SCEL: variants seen among roughly 807,000 people sequenced by gnomAD.
SCEL encodes sciellin.
SCEL carries 113 observed loss-of-function variants against 117.6 expected under a neutral mutation model. The ratio of observed to expected loss-of-function variants is 0.96; its 90% confidence interval spans 0.83 to 1.12. The LOEUF (loss-of-function observed/expected upper bound fraction) is 1.12. Ranked by LOEUF, SCEL falls within the 50% of genes most tolerant of loss-of-function variation. SCEL has a pLI of 0.00. For synonymous variants in SCEL, 270 were observed against 256.2 expected (o/e 1.05, Z -0.51); for missense variants, 785 against 810.8 (o/e 0.97, Z 0.39).
intron 27 of SCEL, among the ~76,000 whole-genome samples, chr13:77,622,628 G>A (rs1452943772): frequency 6.6e-6 from 1 of 152,176 alleles, no homozygotes; most frequent in African/African-American, 2.4e-5. Context: ...TTGGGAGGCT[G>A]AGGTGAGAGG....
In SCEL at chr13:77,589,262, A is replaced by G. The variant is rs1231729344; in HGVS notation, c.626+38A>G. 14 of 1,476,220 alleles carry G rather than the reference A, an allele frequency of 9.5e-6. No individual in the cohort carries two copies. In the Admixed American group the frequency reaches 2.4e-4, roughly 25 times the overall value. The allele number at this position is 1,476,220 out of a possible 1,614,324, so 91.4% of individuals were successfully genotyped here. A position where few individuals can be genotyped will look rare whatever the true frequency, so the allele number is the denominator to read the frequency against. ...ACTCCAGAATTTCTTGACAAAATGA[A>G]GTTCAAGGGAAATGAAAGTAAATGG... On this transcript the variant is annotated intron_variant, in intron 10 of 32. Coordinates refer to ENST00000349847, the MANE Select transcript of SCEL (RefSeq NM_144777.3).
intron 4 of SCEL, among the ~76,000 whole-genome samples, chr13:77,563,157 C>T (rs2085080083): frequency 6.6e-6 from 1 of 151,922 alleles, no homozygotes; most frequent in South Asian, 2.1e-4. Context: ...GTCTTGCTCT[C>T]CTCTCTTTGC....
intron 28 of SCEL, among the ~76,000 whole-genome samples, chr13:77,632,061 G>GATT: frequency 6.6e-6 from 1 of 152,318 alleles, no homozygotes; most frequent in East Asian, 1.9e-4. Flanking sequence ...TTCTTATGAG[G>GATT]ATTCCAGTTC....
In SCEL at chr13:77,617,603, C is replaced by T; in HGVS notation, c.1456C>T (p.Gln486Ter). The T allele has an allele frequency of 1.3e-6, 2 of 1,583,474 alleles. No homozygotes were observed. The highest frequency in any genetic ancestry group is 1.7e-6 in the Non-Finnish European group (2 of 1,160,982). The change falls in exon 25 of 33, where the codon CAA becomes TAA. Residue 486 changes from glutamine (Q) to a stop codon, truncating the protein, a stop_gained. Transcript: ENST00000349847. LOFTEE classifies it high-confidence loss of function. Reference protein sequence around the residue: ...PKAVKNTDGKQDLDKLIKVNP... With the variant: ...PKAVKNTDGK ...TAATATTTTTTCCACTTAAAGAAAA[C>T]AAGATCTTGATAAACTCATCAAGGT...
chr13:77,580,915 T>G (rs1188190181), intron 9 of SCEL, among the ~76,000 whole-genome samples: 1 of 152,204 alleles, frequency 6.6e-6, no homozygotes, highest in Non-Finnish European at 1.5e-5. Context: ...AGCTGATTGG[T>G]AGACTTGGAG....
chr13:77,537,664 T>C (rs886875743), intron 1 of SCEL, among the ~76,000 whole-genome samples: 2 of 152,168 alleles, frequency 1.3e-5, no homozygotes, highest in African/African-American at 4.8e-5. Flanking sequence ...AGAACACCCT[T>C]GCCTCGAATG....
At chr13:77,618,387 G>A (rs1594138668) in intron 27 of SCEL, among the ~76,000 whole-genome samples, 1 of 152,094 alleles carries the variant, frequency 6.6e-6, no homozygotes, top group Non-Finnish European at 1.5e-5. Flanking sequence ...CTTACTAGTT[G>A]CCCAGGGTGG....
intron 9 of SCEL, among the ~76,000 whole-genome samples, chr13:77,582,357 G>C (rs1038225144): frequency 6.6e-6 from 1 of 152,104 alleles, no homozygotes; most frequent in Non-Finnish European, 1.5e-5. Flanking sequence ...CTCCTGAGTA[G>C]CTGGGACTAC....
chr13:77,594,113 C>T (rs1019342532), intron 12 of SCEL, among the ~76,000 whole-genome samples: 3 of 152,182 alleles, frequency 2.0e-5, no homozygotes, highest in Admixed American at 1.3e-4. Flanking sequence ...ACCTCATTGA[C>T]TCCTTCACAG....
chr13:77,552,970 T>A (rs2154395364), intron 1 of SCEL, among the ~76,000 whole-genome samples: 1 of 152,346 alleles, frequency 6.6e-6, no homozygotes, highest in East Asian at 1.9e-4. Context: ...TAGGGAATCC[T>A]TTCGCCATTG....
intron 29 of SCEL, among the ~76,000 whole-genome samples, chr13:77,636,861 G>T (rs1173189972): frequency 6.6e-6 from 1 of 152,036 alleles, no homozygotes; most frequent in African/African-American, 2.4e-5. Context: ...CATGAAAGAT[G>T]AGGACTTCTT....
At chr13:77,568,138 T>C (rs1349496593) in intron 6 of SCEL, among the ~76,000 whole-genome samples, 157 bp from the exon 7 acceptor site, 1 of 152,250 alleles carries the variant, frequency 6.6e-6, no homozygotes, top group Non-Finnish European at 1.5e-5. Context: ...GACAAAATCA[T>C]GAAATCATCT....
chr13:77,597,217 C>A, intron 12 of SCEL: 1 of 278,868 alleles, frequency 3.6e-6, no homozygotes, highest in Non-Finnish European at 6.6e-6. Flanking sequence ...ATATGTGTGC[C>A]TGTGCTGAGG....
At chr13:77,572,323 A>C (rs1756861826) in intron 9 of SCEL, 134 bp downstream of exon 9, 1 of 679,460 alleles carries the variant, frequency 1.5e-6, no homozygotes, top group Non-Finnish European at 2.5e-6. Flanking sequence ...TGTACAGGAG[A>C]GTGTCCAGTG....
At chr13:77,550,438 T>C (rs1464519100) in intron 1 of SCEL, among the ~76,000 whole-genome samples, 4 of 150,202 alleles carry the variant, frequency 2.7e-5, no homozygotes, top group East Asian at 1.9e-4. Flanking sequence ...TCCAAGGTTG[T>C]GCAACCATCA....
intron 20 of SCEL, among the ~76,000 whole-genome samples, chr13:77,608,749 G>T (rs1041916669): frequency 6.6e-6 from 1 of 152,176 alleles, no homozygotes; most frequent in Non-Finnish European, 1.5e-5. Context: ...TAGATGGAAT[G>T]CTTAGGGGAA....
chr13:77,599,099 G>T (rs1213480968), intron 13 of SCEL, among the ~76,000 whole-genome samples: 2 of 152,146 alleles, frequency 1.3e-5, no homozygotes, highest in Non-Finnish European at 2.9e-5. Context: ...CACCTCTATA[G>T]ACCTATTGTG....
intron 27 of SCEL, among the ~76,000 whole-genome samples, chr13:77,624,169 A>C (rs1207862732): frequency 7.6e-6 from 1 of 131,680 alleles, no homozygotes; most frequent in Non-Finnish European, 1.5e-5. Context: ...CAATGGTGGG[A>C]TCTCGACTGA....
chr13:77,540,997 C>G (rs1445957899), intron 1 of SCEL, among the ~76,000 whole-genome samples: 1 of 152,066 alleles, frequency 6.6e-6, no homozygotes, highest in African/African-American at 2.4e-5. Context: ...TTGACGATTG[C>G]TTGGATTTCA....
Sources: allele counts gnomAD v4.1 joint callset (sites outside exome capture counted in the v4.1 genomes callset), GRCh38; gene constraint gnomAD v4.1.1; transcripts MANE v1.5; gene names NCBI Gene and HGNC (gene_info 2026-07-23, HGNC 2026-07-21).